Variants in PTPRG observed in about 807,000 individuals in gnomAD.
The protein encoded by PTPRG is receptor-type tyrosine-protein phosphatase gamma.
In PTPRG, 102 loss-of-function variants were observed where a neutral mutation model predicts 165.3. The ratio of observed to expected loss-of-function variants is 0.62; its 90% CI spans 0.53 to 0.73. The LOEUF (loss-of-function observed/expected upper bound fraction) is 0.73, where lower values mean the gene tolerates loss of function less well. Among genes scored for constraint, PTPRG ranks in the 30% least tolerant of loss-of-function variants. The probability of loss-of-function intolerance (pLI) is 0.00; values close to 1 mark genes in which losing one functional copy is unlikely to be tolerated. For missense variants in PTPRG, 1,866 were observed against 1,861.4 expected (o/e 1.00, Z -0.05); for synonymous variants, 675 against 669.5 (o/e 1.01, Z -0.13).
chr3:61,831,246 T>C (rs540099571), intron 2 of PTPRG, among the ~76,000 whole-genome samples: 7 of 152,332 alleles, frequency 4.6e-5, no homozygotes, highest in African/African-American at 1.4e-4. Flanking sequence ...CACTGAAATA[T>C]AGAAATATGT....
At chr3:61,976,363 A>G (rs55745198) in intron 2 of PTPRG, among the ~76,000 whole-genome samples, 6,627 of 152,302 alleles carry the variant, frequency 0.044, 205 homozygotes, top group Middle Eastern at 0.071. Flanking sequence ...AAATTGGATG[A>G]CAGTCAGGAT....
At chr3:62,192,725 T>C (rs1277184134) in intron 9 of PTPRG, among the ~76,000 whole-genome samples, 1 of 152,124 alleles carries the variant, frequency 6.6e-6, no homozygotes, top group Non-Finnish European at 1.5e-5. Context: ...ACTTCTGTCT[T>C]TAAGTCTTTG....
chr3:61,614,803 C>G (rs1165058660), intron 1 of PTPRG, among the ~76,000 whole-genome samples: 1 of 152,156 alleles, frequency 6.6e-6, no homozygotes, highest in Non-Finnish European at 1.5e-5. Flanking sequence ...CTGCTTTGAG[C>G]TCAGTAGCAC....
chr3:61,706,518 A>C (rs920500890), intron 1 of PTPRG, among the ~76,000 whole-genome samples: 1 of 148,628 alleles, frequency 6.7e-6, no homozygotes, highest in African/African-American at 2.5e-5. Context: ...TTCGAGATGA[A>C]GTCTCGCTCT....
intron 14 of PTPRG, among the ~76,000 whole-genome samples, chr3:62,239,792 C>A (rs1701117957): frequency 6.6e-6 from 1 of 152,098 alleles, no homozygotes; most frequent in African/African-American, 2.4e-5. Flanking sequence ...TCTCCAAAAT[C>A]CCTGCTTTTG....
At position 61,937,122 on chromosome 3, in the gene PTPRG, A is replaced by C. The variant is rs116294278; in HGVS notation, c.191-52503A>C. Among the ~76,000 whole-genome samples the C allele has an allele frequency of 3.8e-3, 581 of 152,350 alleles. 4 individuals are homozygous for C. The highest frequency in any genetic ancestry group is 6.0e-3 in the Non-Finnish European group (410 of 68,036). On this transcript the variant is annotated intron_variant, in intron 2 of 29. Transcript: ENST00000474889. Reference sequence around the variant, plus strand: ...TCATTTAGATGAGATGTAGCATCAAAGGAAATCACTGGGGATATTCAGTTG... The same window carrying C: ...TCATTTAGATGAGATGTAGCATCAACGGAAATCACTGGGGATATTCAGTTG...
intron 6 of PTPRG, among the ~76,000 whole-genome samples, chr3:62,141,664 A>G (rs1703932118): frequency 6.6e-6 from 1 of 151,602 alleles, no homozygotes; most frequent in African/African-American, 2.4e-5. Flanking sequence ...TTGTGGGGGG[A>G]CGAGGCTGGT....
intron 6 of PTPRG, among the ~76,000 whole-genome samples, chr3:62,133,670 C>G (rs903554895): frequency 2.0e-5 from 3 of 152,010 alleles, no homozygotes; most frequent in Non-Finnish European, 2.9e-5. Context: ...ACTGAAAACA[C>G]CACATAGAGG....
In PTPRG at chr3:62,255,115, T is replaced by G; in HGVS notation, c.2468-9T>G. 6.2e-7 allele frequency: 1 copy of G among 1,604,722 alleles called. No individual in the cohort carries two copies. On this transcript the variant is annotated splice_polypyrimidine_tract_variant and intron_variant, in intron 15 of 29. Coordinates refer to ENST00000474889, the MANE Select transcript of PTPRG (RefSeq NM_002841.4). The surrounding 1 kb of genome is among the most constrained non-coding windows in gnomAD (Gnocchi z 4.0). The stretch of plus-strand genomic sequence containing the variant: ...TATGTAACTTTGAATATTATTTTAT[T>G]CCCCCCAGATGACATGGAAGCCATT...
At position 61,851,514 on chromosome 3, in the gene PTPRG, C is replaced by T. The variant is rs998672400; in HGVS notation, c.190+102532C>T. On this transcript the variant is annotated intron_variant, in intron 2 of 29. Coordinates refer to ENST00000474889, the MANE Select transcript of PTPRG (RefSeq NM_002841.4). ...CAATATATCTCATGGCGTGCTTTATCTGTATAAACGTACCTAACATTTTCC... is the reference window on the plus strand; with the variant it reads ...CAATATATCTCATGGCGTGCTTTATTTGTATAAACGTACCTAACATTTTCC... Among the ~76,000 whole-genome samples, 3 of 152,270 alleles carry T rather than the reference C, an allele frequency of 2.0e-5. No individual in the cohort carries two copies. In the East Asian group the frequency reaches 5.8e-4, roughly 29 times the overall value.
chr3:61,828,045 A>T (rs560435044), intron 2 of PTPRG, among the ~76,000 whole-genome samples: 2 of 152,302 alleles, frequency 1.3e-5, no homozygotes, highest in South Asian at 4.1e-4. Flanking sequence ...TATTGACCTA[A>T]ATTCCACGTA....
At chr3:62,069,942 T>C (rs1293262030) in intron 4 of PTPRG, among the ~76,000 whole-genome samples, 7 of 152,182 alleles carry the variant, frequency 4.6e-5, no homozygotes, top group Admixed American at 3.9e-4. Context: ...TAAAGTCTAC[T>C]GATTTAAATG....
At chr3:61,762,759 C>T (rs577225527) in intron 2 of PTPRG, among the ~76,000 whole-genome samples, 1 of 152,094 alleles carries the variant, frequency 6.6e-6, no homozygotes, top group African/African-American at 2.4e-5. Flanking sequence ...CCTTACTCTC[C>T]TGGCCTAAGC....
chr3:61,748,494 G>A (rs1276506977), intron 1 of PTPRG, among the ~76,000 whole-genome samples: 1 of 152,202 alleles, frequency 6.6e-6, no homozygotes, highest in African/African-American at 2.4e-5. Flanking sequence ...TTAGTTGTAT[G>A]TATGACCTTG....
chr3:62,078,336 A>G, intron 5 of PTPRG, 78 bp downstream of exon 5: 5 of 944,318 alleles, frequency 5.3e-6, no homozygotes, highest in Non-Finnish European at 8.1e-6. Flanking sequence ...TCCATGTTTA[A>G]TGAATGCATC....
rs561318265 is a variant in PTPRG at position 61,985,964 on chromosome 3, C to T, written c.191-3661C>T. ...ACGAATTTAATATATTAGTGAAGAA[C>T]GAAAAGGAGTATTTACTCCTGAAGT... On this transcript the variant is annotated intron_variant, in intron 2 of 29. Coordinates refer to ENST00000474889, the MANE Select transcript of PTPRG (RefSeq NM_002841.4). 3.9e-5 allele frequency among the ~76,000 whole-genome samples: 6 copies of T among 152,084 alleles called. No individual in the cohort carries two copies. The East Asian group carries it at 7.7e-4, about 20-fold the overall frequency.
chr3:62,134,042 A>G (rs1576045028), intron 6 of PTPRG, among the ~76,000 whole-genome samples: 1 of 152,120 alleles, frequency 6.6e-6, no homozygotes, highest in Non-Finnish European at 1.5e-5. Context: ...CTGGAAGGGT[A>G]CTAGCCCCAT....
intron 12 of PTPRG, among the ~76,000 whole-genome samples, chr3:62,211,399 G>T (rs1700354035): frequency 1.3e-5 from 2 of 152,206 alleles, no homozygotes; most frequent in South Asian, 4.1e-4. Context: ...TTTGCAAGAT[G>T]AAAAAGTTCT....
chr3:61,960,128 C>G (rs2040117906), intron 2 of PTPRG, among the ~76,000 whole-genome samples: 2 of 152,024 alleles, frequency 1.3e-5, no homozygotes, highest in Non-Finnish European at 2.9e-5. Flanking sequence ...TTTTCACAAG[C>G]TGCATTTACA....
Sources: allele counts gnomAD v4.1 joint callset (sites outside exome capture counted in the v4.1 genomes callset), GRCh38; gene constraint gnomAD v4.1.1; non-coding constraint Gnocchi (gnomAD v3.1); transcripts MANE v1.5; gene names NCBI Gene and HGNC (gene_info 2026-07-23, HGNC 2026-07-21).